ARB2A: variants seen among roughly 807,000 people sequenced by gnomAD.
The protein encoded by ARB2A is ARB2 cotranscriptional regulator A.
the ARB2A span, among the ~76,000 whole-genome samples, chr5:93,915,435 G>A: frequency 6.6e-6 from 1 of 151,100 alleles, no homozygotes; most frequent in Non-Finnish European, 1.5e-5. Context: ...GATAATCAAG[G>A]TTTTACTCTA....
chr5:93,621,096 C>T, the ARB2A span: 1 of 1,612,388 alleles, frequency 6.2e-7, no homozygotes, highest in East Asian at 2.2e-5. Flanking sequence ...AGACGGAAAG[C>T]TCTTCCAGGA....
At chr5:94,033,824 T>C in the ARB2A span, among the ~76,000 whole-genome samples, 226 of 152,338 alleles carry the variant, frequency 1.5e-3, 1 homozygote, top group African/African-American at 5.1e-3. Context: ...AAAAGTCACA[T>C]TTACATTTAA....
chr5:93,871,184 TA>T, the ARB2A span, among the ~76,000 whole-genome samples: 1 of 152,238 alleles, frequency 6.6e-6, no homozygotes, highest in Non-Finnish European at 1.5e-5. Context: ...GAGAGTTTTT[TA>T]ATTCTTAAAG....
the ARB2A span, among the ~76,000 whole-genome samples, chr5:94,108,651 T>C: frequency 3.3e-5 from 5 of 151,984 alleles, no homozygotes; most frequent in South Asian, 1.0e-3. Context: ...GAAGTGCAAA[T>C]TAAAACCACA....
chr5:93,881,256 T>C, the ARB2A span: 2 of 380,974 alleles, frequency 5.2e-6, no homozygotes, highest in South Asian at 8.8e-5. Flanking sequence ...AGAATTTGCA[T>C]TTGTGACTTC....
At chr5:93,784,524 T>C in the ARB2A span, 1 of 1,573,062 alleles carries the variant, frequency 6.4e-7, no homozygotes, top group East Asian at 2.2e-5. Context: ...GAAAATAAAA[T>C]ATTGGCTATA....
the ARB2A span, among the ~76,000 whole-genome samples, chr5:93,708,094 T>G: frequency 6.6e-6 from 1 of 152,192 alleles, no homozygotes; most frequent in Non-Finnish European, 1.5e-5. Flanking sequence ...TCCCTGTACA[T>G]GTATTTTTTT....
the ARB2A span, among the ~76,000 whole-genome samples, chr5:93,949,693 T>C: frequency 1.3e-5 from 2 of 152,138 alleles, no homozygotes; most frequent in African/African-American, 4.8e-5. Context: ...CAATCAATCA[T>C]TGCTGACTGC....
At chr5:93,684,645 G>A in the ARB2A span, among the ~76,000 whole-genome samples, 1 of 152,192 alleles carries the variant, frequency 6.6e-6, no homozygotes, top group African/African-American at 2.4e-5. Context: ...TAAAGTTAGT[G>A]TGATTGAGTT....
the ARB2A span, among the ~76,000 whole-genome samples, chr5:93,674,505 T>C: frequency 2.0e-5 from 3 of 152,214 alleles, no homozygotes; most frequent in African/African-American, 7.2e-5. Context: ...TCAAGAGGTA[T>C]ATTGAATTTA....
At chr5:93,858,006 C>T in the ARB2A span, among the ~76,000 whole-genome samples, 42 of 152,308 alleles carry the variant, frequency 2.8e-4, no homozygotes, top group Non-Finnish European at 4.1e-4. Flanking sequence ...TTTAGTCATA[C>T]TAATGGCTAT....
chr5:94,069,083 T>G, the ARB2A span, among the ~76,000 whole-genome samples: 1 of 151,798 alleles, frequency 6.6e-6, no homozygotes, highest in African/African-American at 2.4e-5. Flanking sequence ...GATAGATAGA[T>G]AGATAGACTA....
At chr5:93,817,742 G>T in the ARB2A span, among the ~76,000 whole-genome samples, 188 of 152,264 alleles carry the variant, frequency 1.2e-3, no homozygotes, top group African/African-American at 4.3e-3. Flanking sequence ...AATAAGTGGT[G>T]CTGGGATTAA....
the ARB2A span, chr5:93,740,679 T>G: frequency 6.2e-7 from 1 of 1,613,904 alleles, no homozygotes; most frequent in Non-Finnish European, 8.5e-7. Context: ...GGAGCCCCAG[T>G]CCCAGGTGAA....
At chr5:94,029,287 T>C in the ARB2A span, among the ~76,000 whole-genome samples, 1 of 152,170 alleles carries the variant, frequency 6.6e-6, no homozygotes, top group African/African-American at 2.4e-5. Flanking sequence ...CCACTGCATC[T>C]GGCCTGCATT....
chr5:93,677,239 C>T, the ARB2A span, among the ~76,000 whole-genome samples: 2 of 152,272 alleles, frequency 1.3e-5, no homozygotes, highest in African/African-American at 4.8e-5. Flanking sequence ...TTGGAAATCA[C>T]ATGATGCACA....
chr5:93,777,347 G>C, the ARB2A span, among the ~76,000 whole-genome samples: 6 of 152,112 alleles, frequency 3.9e-5, no homozygotes, highest in African/African-American at 1.4e-4. Flanking sequence ...AGTTGTAGCT[G>C]TGTGTATATG....
At chr5:93,674,606 T>C in the ARB2A span, among the ~76,000 whole-genome samples, 1 of 152,206 alleles carries the variant, frequency 6.6e-6, no homozygotes, top group Non-Finnish European at 1.5e-5. Context: ...ATTGATCATG[T>C]AAATGTTTCA....
chr5:94,072,935 G>A, the ARB2A span, among the ~76,000 whole-genome samples: 2 of 151,910 alleles, frequency 1.3e-5, no homozygotes, highest in African/African-American at 2.4e-5. Flanking sequence ...CTTTAACCCC[G>A]CTCATCTTGA....
Sources: allele counts gnomAD v4.1 joint callset (sites outside exome capture counted in the v4.1 genomes callset), GRCh38; gene constraint gnomAD v4.1.1; transcripts MANE v1.5; gene names NCBI Gene and HGNC (gene_info 2026-07-23, HGNC 2026-07-21).